The following ANKS1A variants were observed in gnomAD, a reference collection of about 807,000 sequenced individuals.
The protein encoded by ANKS1A is ankyrin repeat and sterile alpha motif domain containing 1A, also known as ankyrin repeat and SAM domain-containing protein 1A.
In ANKS1A, 55 loss-of-function variants were observed where a neutral mutation model predicts 120.3. The ratio of observed to expected loss-of-function variants is 0.46; its 90% CI spans 0.37 to 0.57. The LOEUF is 0.57. ANKS1A is among the 20% of genes least tolerant of loss of function. The pLI is 0.00. For missense variants in ANKS1A, 1,123 were observed against 1,480.3 expected (o/e 0.76, Z 3.96); for synonymous variants, 590 against 604.7 (o/e 0.98, Z 0.36).
intron 1 of ANKS1A, among the ~76,000 whole-genome samples, chr6:34,890,500 C>T (rs1766761536): frequency 6.6e-6 from 1 of 152,148 alleles, no homozygotes; most frequent in African/African-American, 2.4e-5. Context: ...TAGTGAACCT[C>T]ATTGGATTAG....
intron 15 of ANKS1A, 50 bp downstream of exon 15, chr6:35,079,718 T>C (rs1319692585): frequency 3.7e-6 from 6 of 1,613,220 alleles, no homozygotes; most frequent in Non-Finnish European, 5.1e-6. Flanking sequence ...AGTCTGAGCT[T>C]CCCTTAGGGG....
At chr6:34,903,427 C>T (rs1468428964) in intron 1 of ANKS1A, among the ~76,000 whole-genome samples, 2 of 151,840 alleles carry the variant, frequency 1.3e-5, no homozygotes, top group Non-Finnish European at 2.9e-5. Context: ...CTCAAGCTCT[C>T]CTCCAACCTC....
chr6:35,054,354 T>C (rs1350992110), intron 12 of ANKS1A, among the ~76,000 whole-genome samples, 189 bp downstream of exon 12: 1 of 152,194 alleles, frequency 6.6e-6, no homozygotes, highest in African/African-American at 2.4e-5. Context: ...TTTAGAGCCA[T>C]GACTCCTTTT....
chr6:34,917,022 G>A (rs139175183), intron 1 of ANKS1A, among the ~76,000 whole-genome samples: 74 of 152,248 alleles, frequency 4.9e-4, no homozygotes, highest in African/African-American at 1.8e-3. Flanking sequence ...TTAAGGGAGG[G>A]CCTCTCCCCT....
Position 35,017,593 on chromosome 6 carries a change from AC to A in ANKS1A, c.1547del (p.Pro516LeufsTer69). 1.5e-5 allele frequency: 25 copies of A among 1,613,646 alleles called. No individual in the cohort carries two copies. The highest frequency in any genetic ancestry group is 2.1e-5 in the Non-Finnish European group (25 of 1,179,834). ...GSSPVCEVGQ[D>X]PFQLLCTAGQ... ...TCCCCGGTGTGCGAGGTGGGGCAGG[AC>A]CCTTTCCAGCTGCTCTGTACCGCTG... On this transcript the variant is annotated frameshift_variant, in exon 11 of 24. Transcript: ENST00000360359. LOFTEE classifies it high-confidence loss of function.
At chr6:34,985,059 C>T (rs1772113944) in intron 7 of ANKS1A, 23 bp from the exon 8 acceptor site, 1 of 1,602,536 alleles carries the variant, frequency 6.2e-7, no homozygotes, top group Non-Finnish European at 8.5e-7. Flanking sequence ...CAGTGACTCT[C>T]TTGCCCTCCA....
rs752165551 is a variant in ANKS1A, at chr6:35,083,203, C to T, written c.2884C>T (p.Gln962Ter). 1 of 1,614,132 alleles carries T rather than the reference C, an allele frequency of 6.2e-7. No homozygotes were observed. The highest frequency in any genetic ancestry group is 1.1e-5 in the South Asian group (1 of 91,086). Residue 962 changes from glutamine to a stop codon, truncating the protein, a stop_gained, in exon 19 of 24, where the codon CAA (glutamine) becomes TAA (stop). Coordinates refer to ENST00000360359, the MANE Select transcript of ANKS1A (RefSeq NM_015245.3). LOFTEE classifies it high-confidence loss of function. ...IKDLRGTESTQDACAKMRKST... is the reference protein window; with the variant it reads ...IKDLRGTEST ...AGATCTGCGAGGGACAGAATCCACG[C>T]AAGACGCCTGTGCCAAGATGCGGGT...
chr6:35,032,195 G>A (rs1179446314), intron 11 of ANKS1A, among the ~76,000 whole-genome samples: 1 of 152,222 alleles, frequency 6.6e-6, no homozygotes, highest in African/African-American at 2.4e-5. Flanking sequence ...GGTGTGGGAG[G>A]TGAGGTGAGG....
At chr6:35,034,443 A>C (rs1775055463) in intron 11 of ANKS1A, among the ~76,000 whole-genome samples, 2 of 152,168 alleles carry the variant, frequency 1.3e-5, no homozygotes, top group Non-Finnish European at 2.9e-5. Context: ...CCTGCAGGGC[A>C]CTCATTGACG....
At chr6:34,922,842 T>A (rs946184577) in intron 1 of ANKS1A, among the ~76,000 whole-genome samples, 9 of 152,096 alleles carry the variant, frequency 5.9e-5, no homozygotes, top group Non-Finnish European at 1.3e-4. Context: ...TATAGGCATG[T>A]ACCACCACAC....
intron 10 of ANKS1A, among the ~76,000 whole-genome samples, chr6:35,010,338 G>A (rs1429848799): frequency 6.6e-6 from 1 of 152,144 alleles, no homozygotes; most frequent in Non-Finnish European, 1.5e-5. Context: ...AAAGAGTGCT[G>A]GGCTCAACAA....
chr6:34,970,120 G>A lies in ANKS1A; in HGVS notation c.389G>A (p.Arg130Gln), dbSNP rs199984167. 26 of 1,613,972 alleles carry A rather than the reference G, an allele frequency of 1.6e-5. No homozygotes were observed. The highest frequency in any genetic ancestry group is 3.3e-4 in the Middle Eastern group (2 of 6,002). Reference sequence around the variant, plus strand: ...TGGAAAGGAGATGCCCAGATAGTGCGGTTGCTCATCCATCAAGGGCCTTCA... The same window carrying A: ...TGGAAAGGAGATGCCCAGATAGTGCAGTTGCTCATCCATCAAGGGCCTTCA... The part of the protein sequence containing the change: ...AAWKGDAQIV[R>Q]LLIHQGPSHT... Residue 130 changes from arginine (R) to glutamine (Q), a missense_variant, in exon 3 of 24, where the codon CGG (arginine) becomes CAG (glutamine). Arg to Gln is a conservative substitution (Grantham distance 43). Coordinates refer to ENST00000360359, the MANE Select transcript of ANKS1A (RefSeq NM_015245.3).
At chr6:35,087,931 G>T (rs1364174720) in intron 23 of ANKS1A, among the ~76,000 whole-genome samples, 2 of 152,246 alleles carry the variant, frequency 1.3e-5, no homozygotes, top group African/African-American at 4.8e-5. Context: ...TGGCTCTGGA[G>T]TCTAGCTCAC....
In ANKS1A at chr6:35,057,320, C is replaced by T. The variant is rs921705486; in HGVS notation, c.2078-2827C>T. On this transcript the variant is annotated intron_variant, in intron 12 of 23. Coordinates refer to ENST00000360359, the MANE Select transcript of ANKS1A (RefSeq NM_015245.3). This position sits in a 1 kb window ranked among gnomAD's most constrained non-coding sequence, Gnocchi z 4.1. ...TATGCCTTCCCACTGGCCCAGGCCA[C>T]TCTGGCTCTGTCAACAAAGGCCTTC... 6.6e-6 allele frequency among the ~76,000 whole-genome samples: 1 copy of T among 152,160 alleles called. No homozygotes were observed. The highest frequency in any genetic ancestry group is 2.4e-5 in the African/African-American group (1 of 41,444).
At chr6:34,950,007 G>C (rs1397100676) in intron 1 of ANKS1A, among the ~76,000 whole-genome samples, 1 of 152,066 alleles carries the variant, frequency 6.6e-6, no homozygotes, top group Non-Finnish European at 1.5e-5. Flanking sequence ...TCTCTCTCTG[G>C]ACTAGATCTG....
At chr6:34,895,157 T>A (rs959132011) in intron 1 of ANKS1A, among the ~76,000 whole-genome samples, 15 of 151,526 alleles carry the variant, frequency 9.9e-5, no homozygotes, top group African/African-American at 3.6e-4. Context: ...AATTCATTGT[T>A]GTAAAGAAAG....
At chr6:35,064,953 C>G (rs1297439580) in intron 13 of ANKS1A, among the ~76,000 whole-genome samples, 4 of 152,062 alleles carry the variant, frequency 2.6e-5, no homozygotes, top group Admixed American at 2.6e-4. Context: ...GATCCAGCCT[C>G]CTGGACTAGC....
At chr6:35,003,768 G>A (rs904923805) in intron 10 of ANKS1A, among the ~76,000 whole-genome samples, 6 of 152,136 alleles carry the variant, frequency 3.9e-5, no homozygotes, top group Non-Finnish European at 7.3e-5. Flanking sequence ...CAGAAGTGGC[G>A]AAAATAAGAG....
intron 1 of ANKS1A, among the ~76,000 whole-genome samples, chr6:34,909,265 C>T (rs2127455555): frequency 6.6e-6 from 1 of 152,304 alleles, no homozygotes; most frequent in African/African-American, 2.4e-5. Context: ...ATAAATTCTC[C>T]CGTAAAACAC....
Sources: allele counts gnomAD v4.1 joint callset (sites outside exome capture counted in the v4.1 genomes callset), GRCh38; gene constraint gnomAD v4.1.1; non-coding constraint Gnocchi (gnomAD v3.1); transcripts MANE v1.5; gene names NCBI Gene and HGNC (gene_info 2026-07-23, HGNC 2026-07-21).